Variants in ZFHX3 observed in about 807,000 individuals in gnomAD.
ZFHX3 encodes zinc finger homeobox protein 3.
ZFHX3 carries 42 observed loss-of-function variants against 279.1 expected under a neutral mutation model. That is an observed-to-expected ratio of 0.15 (90% CI 0.12 to 0.19). The LOEUF (loss-of-function observed/expected upper bound fraction) is 0.19, where lower values mean the gene tolerates loss of function less well. Ranked by LOEUF, ZFHX3 falls within the 10% of genes least tolerant of loss-of-function variation. The pLI, the probability that ZFHX3 is intolerant of heterozygous loss-of-function variation, is 1.00. For synonymous variants in ZFHX3, 2,293 were observed against 1,957.8 expected, an observed-to-expected ratio of 1.17 and a Z score of -4.52; for missense variants, 4,981 against 4,754.0, an observed-to-expected ratio of 1.05 and a Z score of -1.40.
chr16:73,734,752 G>GA (rs1356203114), intron 1 of ZFHX3, among the ~76,000 whole-genome samples: 6 of 151,954 alleles, frequency 3.9e-5, no homozygotes, highest in Admixed American at 1.3e-4. Context: ...TAACAAATTT[G>GA]AAAAAATGCT....
At chr16:73,268,387 G>A (rs2014040402) in intron 4 of ZFHX3, among the ~76,000 whole-genome samples, 1 of 152,308 alleles carries the variant, frequency 6.6e-6, no homozygotes, top group African/African-American at 2.4e-5. Context: ...GGAGAGACAA[G>A]GGTGTGTGGT....
intron 3 of ZFHX3, among the ~76,000 whole-genome samples, chr16:73,366,103 G>A (rs906716972): frequency 2.0e-5 from 3 of 152,158 alleles, no homozygotes; most frequent in Non-Finnish European, 4.4e-5. Flanking sequence ...TTAAATAAAG[G>A]CAAGTGATGA....
At chr16:73,044,099 T>G (rs1379083639) in intron 1 of ZFHX3, among the ~76,000 whole-genome samples, 1 of 151,816 alleles carries the variant, frequency 6.6e-6, no homozygotes, top group Non-Finnish European at 1.5e-5. Flanking sequence ...TGCCAAGGAA[T>G]TCCCTTGCCT....
intron 7 of ZFHX3, among the ~76,000 whole-genome samples, chr16:72,803,105 G>A (rs1448749810): frequency 6.6e-6 from 1 of 152,202 alleles, no homozygotes; most frequent in Admixed American, 6.5e-5. Context: ...GCTGAGGCGG[G>A]TGGATCATTT....
intron 2 of ZFHX3, among the ~76,000 whole-genome samples, chr16:73,599,744 A>C (rs1017255471): frequency 6.6e-6 from 1 of 151,250 alleles, no homozygotes; most frequent in African/African-American, 2.4e-5. Flanking sequence ...AAAAAAAAAA[A>C]AACAACAACC....
intron 1 of ZFHX3, among the ~76,000 whole-genome samples, chr16:72,976,380 T>C (rs527677643): frequency 6.6e-6 from 1 of 152,372 alleles, no homozygotes; most frequent in South Asian, 2.1e-4. Context: ...ACACAGAGGC[T>C]ACTGGGGTTC....
Position 72,808,424 on chromosome 16 carries a change from C to G in ZFHX3, c.3864+3153G>C, listed in dbSNP as rs1285106893. The stretch of plus-strand genomic sequence containing the variant: ...AAACTATCCCCATGACTGGACAAAC[C>G]AGTTCAATACTGACAGCCATGCCAT... On this transcript the variant is annotated intron_variant, in intron 7 of 9. Coordinates refer to ENST00000268489, the MANE Select transcript of ZFHX3 (RefSeq NM_006885.4). Among the ~76,000 whole-genome samples, 3 of 152,174 alleles carry G rather than the reference C, an allele frequency of 2.0e-5. No homozygotes were observed. The East Asian group carries it at 5.8e-4, about 29-fold the overall frequency.
chr16:73,172,999 T>TC (rs1967574308), intron 5 of ZFHX3, among the ~76,000 whole-genome samples: 1 of 77,758 alleles, frequency 1.3e-5, no homozygotes, highest in East Asian at 3.1e-4. Context: ...TTTTTTTGTT[T>TC]TTTTTTTTGT....
intron 2 of ZFHX3, among the ~76,000 whole-genome samples, chr16:73,589,769 A>AAAAAAAAAAAT (rs2051974298): frequency 7.2e-6 from 1 of 138,974 alleles, no homozygotes. Flanking sequence ...AAAAAAAAAA[A>AAAAAAAAAAAT]AAGAATATAC....
chr16:72,953,113 A>G (rs1029528256), intron 2 of ZFHX3, among the ~76,000 whole-genome samples: 68 of 152,204 alleles, frequency 4.5e-4, no homozygotes, highest in Non-Finnish European at 2.8e-4. Context: ...GGTTCTGCTA[A>G]GCAGACCAGC....
In ZFHX3 at chr16:73,397,927, C is replaced by A. The variant is rs567115907; in HGVS notation, c.-1291+58076G>T. 1.4e-4 allele frequency among the ~76,000 whole-genome samples: 21 copies of A among 152,296 alleles called. 1 individual carries two copies. Among genetic ancestry groups the A allele is most frequent in the Admixed American group, 1.3e-3 (20 of 15,294 alleles). ...TGGCGCAATCTTGGCTCACTGCAAC[C>A]TCTGCCTCCCAGGTTCAAGTGATCC... On this transcript the variant is annotated intron_variant, in intron 3 of 17. Coordinates refer to the ZFHX3 transcript ENST00000641206.
intron 1 of ZFHX3, among the ~76,000 whole-genome samples, chr16:73,878,395 C>T (rs2030023738): frequency 6.6e-6 from 1 of 152,000 alleles, no homozygotes; most frequent in South Asian, 2.1e-4. Context: ...CAAGAAGAAC[C>T]TATTGTATCT....
In ZFHX3 at chr16:72,950,449, C is replaced by T. The variant is rs1459254361; in HGVS notation, c.3216+20G>A. 33 of 1,606,160 alleles carry T rather than the reference C, an allele frequency of 2.1e-5. No individual in the cohort carries two copies. Among genetic ancestry groups the T allele is most frequent in the Non-Finnish European group, 2.8e-5 (33 of 1,173,940 alleles). On this transcript the variant is annotated intron_variant, in intron 3 of 9. Transcript: ENST00000268489. ...CTCCTTTCAGAAAGAGCGCCTGAGC[C>T]ATAAGGAGCTGGGCCTTACCTTGTA...
chr16:73,354,316 C>G (rs955068699), intron 3 of ZFHX3, among the ~76,000 whole-genome samples: 25 of 152,210 alleles, frequency 1.6e-4, no homozygotes, highest in African/African-American at 6.0e-4. Context: ...CTGGCAGGAA[C>G]TTGAAATGTA....
At chr16:73,583,902 T>A (rs140929483) in intron 2 of ZFHX3, among the ~76,000 whole-genome samples, 1 of 152,022 alleles carries the variant, frequency 6.6e-6, no homozygotes, top group Admixed American at 6.5e-5. Flanking sequence ...TGATTAACAC[T>A]ATATAAGAAA....
chr16:72,889,635 C>T (rs996552226), intron 4 of ZFHX3, 96 bp downstream of exon 4: 8 of 1,165,328 alleles, frequency 6.9e-6, no homozygotes, highest in Middle Eastern at 5.9e-4. Flanking sequence ...CCAGCTGGAT[C>T]AGTAACGTCT....
intron 5 of ZFHX3, among the ~76,000 whole-genome samples, chr16:73,223,656 A>C (rs2012496484): frequency 1.3e-5 from 2 of 152,224 alleles, no homozygotes; most frequent in Non-Finnish European, 2.9e-5. Flanking sequence ...ATTTCTTACA[A>C]AATTAAACAT....
intron 3 of ZFHX3, among the ~76,000 whole-genome samples, chr16:72,928,102 G>A (rs1265632450): frequency 9.4e-6 from 1 of 106,480 alleles, no homozygotes. Flanking sequence ...GTGGAGGATG[G>A]GGGGAGGGGA....
intron 3 of ZFHX3, among the ~76,000 whole-genome samples, chr16:73,429,200 GT>G (rs766822789): frequency 2.6e-5 from 4 of 152,144 alleles, no homozygotes; most frequent in Non-Finnish European, 5.9e-5. Flanking sequence ...AAGTTCTATG[GT>G]TCAAGAGAGC....
Sources: gnomAD v4.1 joint callset for allele counts (sites outside exome capture counted in the v4.1 genomes callset) on GRCh38, gnomAD v4.1.1 for gene constraint, MANE v1.5 for transcripts, NCBI Gene and HGNC (gene_info 2026-07-23, HGNC 2026-07-21) for gene names.